The following TRMT11 variants were observed in gnomAD, a reference collection of about 807,000 sequenced individuals.
TRMT11 encodes the protein tRNA methyltransferase 11, also known as tRNA (guanine(10)-N(2))-methyltransferase TRMT11.
In TRMT11, 53 loss-of-function variants were observed where a neutral mutation model predicts 62.8. The observed-to-expected ratio is 0.84, with a 90% CI of 0.68 to 1.06. TRMT11 has a LOEUF of 1.06. Ranked by LOEUF, TRMT11 falls within the 50% of genes least tolerant of loss-of-function variation. The pLI is 0.00. For missense variants in TRMT11, 556 were observed against 553.4 expected, an observed-to-expected ratio of 1.00 and a Z score of -0.05; for synonymous variants, 188 against 190.3, an observed-to-expected ratio of 0.99 and a Z score of 0.10.
chr6:126,015,790 C>T (rs982239745), intron 11 of TRMT11, among the ~76,000 whole-genome samples: 3 of 152,106 alleles, frequency 2.0e-5, no homozygotes, highest in Admixed American at 6.6e-5. Flanking sequence ...TCTGTCTTTC[C>T]ATATCTCTTG....
chr6:126,131,160 A>G (rs1583884044), intron 21 of TRMT11, among the ~76,000 whole-genome samples: 1 of 152,134 alleles, frequency 6.6e-6, no homozygotes. Context: ...TACCACAGAA[A>G]GGATAATAAT....
At chr6:126,204,559 TA>T (rs1562348220), downstream of TRMT11, among the ~76,000 whole-genome samples, 1 of 152,198 alleles carries the variant, frequency 6.6e-6, no homozygotes, top group Non-Finnish European at 1.5e-5. Flanking sequence ...TTGAAACTTA[TA>T]AAATCAGCCT....
At chr6:126,053,332 G>C (rs1386506410) in intron 17 of TRMT11, among the ~76,000 whole-genome samples, 1 of 152,176 alleles carries the variant, frequency 6.6e-6, no homozygotes, top group Non-Finnish European at 1.5e-5. Flanking sequence ...GGGCTTTGCT[G>C]ACCCTGGAGA....
chr6:126,263,505 T>C, the TRMT11 span, among the ~76,000 whole-genome samples: 1 of 152,340 alleles, frequency 6.6e-6, no homozygotes, highest in East Asian at 1.9e-4. Flanking sequence ...AATATCTTAA[T>C]GCTATGTGGA....
At chr6:126,268,845 A>G in the TRMT11 span, among the ~76,000 whole-genome samples, 1 of 152,200 alleles carries the variant, frequency 6.6e-6, no homozygotes, top group African/African-American at 2.4e-5. Flanking sequence ...TTTCTAAACC[A>G]AACACAAATT....
At chr6:126,199,280 T>C (rs987194654) in intron 2 of TRMT11, among the ~76,000 whole-genome samples, 17 of 152,230 alleles carry the variant, frequency 1.1e-4, no homozygotes, top group Non-Finnish European at 2.2e-4. Context: ...CAGAAGCATC[T>C]ATGTGTATAC....
chr6:126,171,133 C>G (rs796376417), intron 21 of TRMT11, among the ~76,000 whole-genome samples: 10 of 152,276 alleles, frequency 6.6e-5, no homozygotes, highest in African/African-American at 2.4e-4. Context: ...TTGGTTTCAT[C>G]TACTTAAACC....
chr6:126,240,986 G>A, the TRMT11 span, among the ~76,000 whole-genome samples: 7 of 152,258 alleles, frequency 4.6e-5, no homozygotes, highest in Non-Finnish European at 8.8e-5. Context: ...GCGAGGCTCC[G>A]TGGGCATAGG....
intron 7 of TRMT11, among the ~76,000 whole-genome samples, chr6:126,000,260 T>G (rs1185498760): frequency 2.6e-5 from 4 of 152,166 alleles, no homozygotes; most frequent in African/African-American, 9.7e-5. Context: ...TCAATTTTGC[T>G]GGATCTTGCC....
chr6:126,166,069 C>CCAA (rs1778258487), intron 21 of TRMT11, among the ~76,000 whole-genome samples: 1 of 151,936 alleles, frequency 6.6e-6, no homozygotes, highest in African/African-American at 2.4e-5. Flanking sequence ...TCCGCTTGAT[C>CCAA]GATTTGGCTA....
the TRMT11 span, chr6:126,258,141 A>T: frequency 2.5e-6 from 2 of 791,174 alleles, no homozygotes; most frequent in South Asian, 2.7e-5. Context: ...CTGCTCCATG[A>T]TCCACTCCTC....
intron 21 of TRMT11, among the ~76,000 whole-genome samples, chr6:126,162,406 G>C (rs1405540063): frequency 6.6e-6 from 1 of 152,154 alleles, no homozygotes; most frequent in Non-Finnish European, 1.5e-5. Flanking sequence ...CCTCTGTTCT[G>C]TTCCATTGGT....
intron 11 of TRMT11, among the ~76,000 whole-genome samples, chr6:126,017,707 C>T: frequency 6.6e-6 from 1 of 152,166 alleles, no homozygotes; most frequent in East Asian, 1.9e-4. Context: ...TTAATCAGTC[C>T]ATCCTCTGTG....
At chr6:126,036,748 G>T (rs956499415) in intron 12 of TRMT11, among the ~76,000 whole-genome samples, 2 of 152,124 alleles carry the variant, frequency 1.3e-5, no homozygotes, top group Non-Finnish European at 2.9e-5. Context: ...CATAAGGACA[G>T]AATTTCGAAT....
chr6:126,022,373 C>G lies in TRMT11; in HGVS notation c.1260+1093C>G, dbSNP rs571491205. 2.7e-4 allele frequency among the ~76,000 whole-genome samples: 41 copies of G among 152,142 alleles called. 1 individual carries two copies. The highest frequency in any genetic ancestry group is 9.2e-4 in the Admixed American group (14 of 15,276). The stretch of plus-strand genomic sequence containing the variant: ...GAAGATTTTTCATACCCATCTCTAG[C>G]CTGCATTTGATTTGTTTTTATATAG... On this transcript the variant is annotated intron_variant, in intron 12 of 12. Transcript: ENST00000334379.
intron 11 of TRMT11, among the ~76,000 whole-genome samples, chr6:126,019,485 G>A (rs2127980792): frequency 1.3e-5 from 2 of 152,202 alleles, no homozygotes; most frequent in South Asian, 4.1e-4. Flanking sequence ...TAAACATGAA[G>A]AGTTTATATC....
intron 18 of TRMT11, among the ~76,000 whole-genome samples, chr6:126,113,751 A>T (rs1010111911): frequency 6.6e-6 from 1 of 152,108 alleles, no homozygotes; most frequent in African/African-American, 2.4e-5. Context: ...TACCCAAAGT[A>T]GGCTCTCAAT....
chr6:126,109,298 G>C (rs186782932), intron 17 of TRMT11, among the ~76,000 whole-genome samples: 96 of 152,256 alleles, frequency 6.3e-4, no homozygotes, highest in African/African-American at 2.2e-3. Flanking sequence ...GCAGTTAGTT[G>C]TCTCTTTAGT....
At chr6:126,018,793 T>C (rs142513014) in intron 11 of TRMT11, among the ~76,000 whole-genome samples, 67 of 152,362 alleles carry the variant, frequency 4.4e-4, no homozygotes, top group African/African-American at 1.5e-3. Context: ...AGGCAAAATA[T>C]AGATTTATGC....
Sources: gnomAD v4.1 joint callset for allele counts (sites outside exome capture counted in the v4.1 genomes callset) on GRCh38, gnomAD v4.1.1 for gene constraint, MANE v1.5 for transcripts, NCBI Gene and HGNC (gene_info 2026-07-23, HGNC 2026-07-21) for gene names.